The following CENPP variants were observed in gnomAD, a reference collection of about 807,000 sequenced individuals.
CENPP encodes centromere protein P.
A neutral mutation model predicts 35.6 loss-of-function variants in CENPP; 24 were observed. The ratio of observed to expected loss-of-function variants is 0.67; its 90% CI spans 0.49 to 0.95. CENPP has a LOEUF of 0.95. Ranked by LOEUF, CENPP falls within the 40% of genes least tolerant of loss-of-function variation. CENPP has a pLI of 0.00. For synonymous variants in CENPP, 120 were observed against 125.5 expected (o/e 0.96, Z 0.29); for missense variants, 332 against 345.3 (o/e 0.96, Z 0.31).
chr9:92,326,098 C>T lies in CENPP; in HGVS notation c.100C>T (p.Arg34Ter). The T allele has an allele frequency of 6.5e-7, 1 of 1,548,074 alleles. No homozygotes were observed. The highest frequency in any genetic ancestry group is 1.2e-5 in the South Asian group (1 of 83,610). ...DPPAPWEEKS[R>*]VQKSFQAIHQ... ...ACCGGCGCCCTGGGAAGAGAAGTCC[C>T]GAGTCCAGTACGTGACCACCCCAAG... The change falls in exon 1 of 8, where the codon CGA (arginine) becomes TGA (stop). Residue 34 changes from arginine to a stop codon, truncating the protein, a stop_gained. Coordinates refer to ENST00000375587, the MANE Select transcript of CENPP (RefSeq NM_001012267.3). LOFTEE classifies it high-confidence loss of function.
At chr9:92,584,957 T>C (rs1297701079) in intron 5 of CENPP, among the ~76,000 whole-genome samples, 1 of 152,240 alleles carries the variant, frequency 6.6e-6, no homozygotes, top group Admixed American at 6.5e-5. Flanking sequence ...CAGTAACAAA[T>C]TGCATGTTAT....
intron 5 of CENPP, among the ~76,000 whole-genome samples, chr9:92,480,945 GAT>G (rs1845891863): frequency 6.6e-6 from 1 of 152,204 alleles, no homozygotes; most frequent in African/African-American, 2.4e-5. Context: ...TACTGATAAA[GAT>G]AGCACTTTCC....
intron 5 of CENPP, among the ~76,000 whole-genome samples, chr9:92,602,539 T>C (rs1850950152): frequency 6.6e-6 from 1 of 152,180 alleles, no homozygotes; most frequent in East Asian, 1.9e-4. Context: ...TGCCAGCAGC[T>C]GCACCCAGGC....
At position 92,325,998 on chromosome 9, in the gene CENPP, C is replaced by T. The variant is rs1456493113; in HGVS notation, c.-1C>T. ...GGCCCGGCTGCGGTCAGCAACGCGC[C>T]ATGGACGCAGAGCTGGCAGAGGTGC... On this transcript the variant is annotated 5_prime_UTR_variant, in exon 1 of 8. Transcript: ENST00000375587. 15 of 1,550,054 alleles carry T rather than the reference C, an allele frequency of 9.7e-6. No individual in the cohort carries two copies. The highest frequency in any genetic ancestry group is 1.4e-5 in the African/African-American group (1 of 72,862).
chr9:92,404,502 A>G, intron 5 of CENPP: 1 of 1,290,498 alleles, frequency 7.7e-7, no homozygotes, highest in Non-Finnish European at 1.0e-6. Context: ...CTACCGTTGT[A>G]GCTGTTTTGA....
rs1200375228 is a variant in CENPP at position 92,598,977 on chromosome 9, G to A, written c.565-12337G>A. Among the ~76,000 whole-genome samples the A allele has an allele frequency of 2.0e-5, 3 of 152,078 alleles. No homozygotes were observed. The East Asian group carries it at 5.8e-4, about 29-fold the overall frequency. On this transcript the variant is annotated intron_variant, in intron 5 of 7. Transcript: ENST00000375587. ...TAGCCAGGCATTGTGGTATGCACCT[G>A]TAATCCCAGCTACTAGGGAGGCTGA...
intron 5 of CENPP, among the ~76,000 whole-genome samples, chr9:92,488,811 G>A (rs1377862775): frequency 6.6e-6 from 1 of 151,994 alleles, no homozygotes; most frequent in Admixed American, 6.6e-5. Flanking sequence ...AACACACCAG[G>A]ACATTTTAAT....
At chr9:92,462,791 C>G (rs1355525897) in intron 5 of CENPP, among the ~76,000 whole-genome samples, 1 of 152,144 alleles carries the variant, frequency 6.6e-6, no homozygotes, top group Non-Finnish European at 1.5e-5. Context: ...TGTGGACCCT[C>G]CAGTATGTAA....
intron 4 of CENPP, among the ~76,000 whole-genome samples, chr9:92,352,588 C>T (rs1198967307): frequency 7.1e-6 from 1 of 141,090 alleles, no homozygotes; most frequent in Non-Finnish European, 1.5e-5. Flanking sequence ...CACAAGGTCC[C>T]GTAATAGGCC....
At chr9:92,503,403 G>C (rs73520599) in intron 5 of CENPP, among the ~76,000 whole-genome samples, 3,076 of 152,254 alleles carry the variant, frequency 0.02, 108 homozygotes, top group African/African-American at 0.07. Flanking sequence ...CGAGCCTCCA[G>C]CTCCCAGGCT....
intron 5 of CENPP, chr9:92,470,842 A>G: frequency 3.0e-6 from 3 of 989,554 alleles, no homozygotes; most frequent in Non-Finnish European, 4.5e-6. Context: ...GATTACTAAT[A>G]TGGTAGAAAT....
intron 4 of CENPP, among the ~76,000 whole-genome samples, chr9:92,369,018 T>C (rs1841950398): frequency 1.3e-5 from 2 of 152,186 alleles, no homozygotes; most frequent in Admixed American, 6.5e-5. Context: ...CACTCCAGGC[T>C]AGGTGACAGA....
At chr9:92,400,568 G>T (rs1043539244) in intron 5 of CENPP, among the ~76,000 whole-genome samples, 2 of 152,140 alleles carry the variant, frequency 1.3e-5, no homozygotes, top group African/African-American at 4.8e-5. Context: ...TTAATATGTG[G>T]TTTTTGTCAT....
intron 5 of CENPP, among the ~76,000 whole-genome samples, chr9:92,435,812 G>GA (rs1339279386): frequency 1.3e-5 from 2 of 152,140 alleles, no homozygotes; most frequent in Admixed American, 6.5e-5. Context: ...ACTGTCCACT[G>GA]AAAAAACATC....
chr9:92,529,290 A>G, intron 5 of CENPP, among the ~76,000 whole-genome samples: 1 of 152,230 alleles, frequency 6.6e-6, no homozygotes, highest in East Asian at 1.9e-4. Flanking sequence ...TCTAAAACCC[A>G]AAACACTGAC....
At position 92,617,535 on chromosome 9, in the gene CENPP, G is replaced by A. The variant is rs531732320; in HGVS notation, c.*4386G>A. On this transcript the variant is annotated 3_prime_UTR_variant, in exon 8 of 8. Transcript: ENST00000375587. ...CCCCGGAGGCCAAGACTGGGCAAGA[G>A]GCCCCAGGGACACACCTGTCCCTTG... 28 of 152,664 alleles carry A rather than the reference G, an allele frequency of 1.8e-4. No homozygotes were observed. The highest frequency in any genetic ancestry group is 6.5e-4 in the African/African-American group (27 of 41,586). 9.5% of individuals were successfully genotyped at this position (152,664 alleles called of 1,614,324 possible). A position where few individuals can be genotyped will look rare whatever the true frequency, so the allele number is the denominator to read the frequency against.
rs371209367 is a variant in CENPP, at chr9:92,466,213, T to G, written c.564+86354T>G. The G allele has an allele frequency of 1.1e-3, 707 of 620,690 alleles. 7 individuals carry two copies. In the South Asian group the frequency reaches 0.014, roughly 12 times the overall value. The allele number at this position is 620,690 out of a possible 1,614,324, so 38.4% of individuals were successfully genotyped here. On this transcript the variant is annotated intron_variant, in intron 5 of 7. Transcript: ENST00000375587. ...TAAGTGCTAAACATTTTGTTGGACA[T>G]TTTAATTGGTTTATAAATGGCTTAT...
At chr9:92,609,695 A>T (rs538169854) in intron 5 of CENPP, among the ~76,000 whole-genome samples, 14 of 152,262 alleles carry the variant, frequency 9.2e-5, no homozygotes, top group Non-Finnish European at 1.6e-4. Context: ...CTGACCCTGC[A>T]ATCTGTTCTC....
At chr9:92,342,151 G>A (rs938827047) in intron 3 of CENPP, among the ~76,000 whole-genome samples, 1 of 152,194 alleles carries the variant, frequency 6.6e-6, no homozygotes, top group Admixed American at 6.5e-5. Flanking sequence ...AGAAAGCCTC[G>A]CCTGTTCTTT....
Sources: gnomAD v4.1 joint callset for allele counts (sites outside exome capture counted in the v4.1 genomes callset) on GRCh38, gnomAD v4.1.1 for gene constraint, MANE v1.5 for transcripts, NCBI Gene and HGNC (gene_info 2026-07-23, HGNC 2026-07-21) for gene names.